The following CCDC154 variants were observed in gnomAD, a reference collection of about 807,000 sequenced individuals.
The protein encoded by CCDC154 is coiled-coil domain containing 154, also known as coiled-coil domain-containing protein 154.
A neutral mutation model predicts 87.5 loss-of-function variants in CCDC154; 91 were observed. The observed-to-expected ratio is 1.04, with a 90% confidence interval of 0.88 to 1.24. The LOEUF (loss-of-function observed/expected upper bound fraction) is 1.24. CCDC154 is among the 50% of genes most tolerant of loss of function. CCDC154 has a pLI of 0.00. For missense variants in CCDC154, 903 were observed against 879.2 expected (o/e 1.03, Z -0.34); for synonymous variants, 418 against 400.4 (o/e 1.04, Z -0.52).
Position 1,442,514 on chromosome 16 carries a change from G to A in CCDC154, c.567C>T (p.Thr189=), listed in dbSNP as rs992840916. Residue 189 remains threonine (T), a synonymous_variant, in exon 6 of 17, where the codon ACC becomes ACT. Coordinates refer to ENST00000389176, the MANE Select transcript of CCDC154 (RefSeq NM_001143980.3). ...CCTGCTCCTCCTGCTGCAGCAAGTCGGTCAGCTTGGCCAGTCTAGAGAAGT... is the reference window on the plus strand; with the variant it reads ...CCTGCTCCTCCTGCTGCAGCAAGTCAGTCAGCTTGGCCAGTCTAGAGAAGT... ...QEAGLRLAKL[T]DLLQQEEQGR... The A allele has an allele frequency of 1.6e-5, 25 of 1,546,072 alleles. No individual in the cohort carries two copies. The highest frequency in any genetic ancestry group is 4.1e-5 in the African/African-American group (3 of 72,890).
rs763953899 is a variant in CCDC154, at chr16:1,443,543, C to A, written c.377G>T (p.Arg126Leu). ...SELRQLQQEA[R>L]PAAQAPEKEA... is the part of the protein sequence containing the mutation. ...CTTTTCGGGGGCCTGGGCTGCCGGCCGCGCCTCCTGCTGCAACTGCCTCAG... is the reference window on the plus strand; with the variant it reads ...CTTTTCGGGGGCCTGGGCTGCCGGCAGCGCCTCCTGCTGCAACTGCCTCAG... The change falls in exon 3 of 17, where the codon CGG (arginine) becomes CTG (leucine). Residue 126 changes from arginine (R) to leucine (L), a missense_variant. Coordinates refer to ENST00000389176, the MANE Select transcript of CCDC154 (RefSeq NM_001143980.3). 1 of 1,474,544 alleles carries A rather than the reference C, an allele frequency of 6.8e-7. No individual in the cohort carries two copies. The highest frequency in any genetic ancestry group is 8.9e-7 in the Non-Finnish European group (1 of 1,119,290). 91.3% of individuals were successfully genotyped at this position (1,474,544 alleles called of 1,614,324 possible). A position where few individuals can be genotyped will look rare whatever the true frequency, so the allele number is the denominator to read the frequency against.
At position 1,434,691 on chromosome 16, in the gene CCDC154, G is replaced by T; in HGVS notation, c.1854C>A (p.Cys618Ter). 6.5e-7 allele frequency: 1 copy of T among 1,546,782 alleles called. No homozygotes were observed. ...ACCTCACAGCCTGGTACACGCCCCA[G>T]CAGTTCATGGGCACCACCTTGCCAG... ...MAPGKVVPMN[C>*]WGVYQAVRWL... The change falls in exon 16 of 17, where the codon TGC becomes TGA. Residue 618 changes from cysteine (C) to a stop codon, truncating the protein, a stop_gained. Coordinates refer to ENST00000389176, the MANE Select transcript of CCDC154 (RefSeq NM_001143980.3). LOFTEE classifies it low-confidence loss of function (END_TRUNC).
chr16:1,435,019 G>A, intron 15 of CCDC154, 70 bp downstream of exon 15: 1 of 1,478,256 alleles, frequency 6.8e-7, no homozygotes, highest in Non-Finnish European at 9.2e-7. Context: ...CAGCAGGGCA[G>A]GCGGGGAGGC....
rs757661954 is a variant in CCDC154, at chr16:1,438,047, C to T, written c.1152+3G>A. On this transcript the variant is annotated splice_donor_region_variant and intron_variant, in intron 10 of 16. Transcript: ENST00000389176. The stretch of plus-strand genomic sequence containing the variant: ...TTGGGGACATGTTGCGCTACCCCCT[C>T]ACCAGCACCAGCTCTCCATGCATCT... 3 of 1,547,244 alleles carry T rather than the reference C, an allele frequency of 1.9e-6. No homozygotes were observed. Among genetic ancestry groups the T allele is most frequent in the Non-Finnish European group, 2.6e-6 (3 of 1,145,238 alleles).
At position 1,443,273 on chromosome 16, in the gene CCDC154, G is replaced by C. The variant is rs759700857; in HGVS notation, c.443C>G (p.Ala148Gly). The C allele has an allele frequency of 9.0e-6, 14 of 1,549,180 alleles. No individual in the cohort carries two copies. In the African/African-American group the frequency reaches 1.5e-4, roughly 17 times the overall value. Residue 148 changes from alanine (A) to glycine (G), a missense_variant, in exon 4 of 17, where the codon GCC becomes GGC. By Grantham distance (60) the Ala-to-Gly change is moderately conservative. Transcript: ENST00000389176. The stretch of plus-strand genomic sequence containing the variant: ...GTGTGGGGGGTACCTTTTGTCCAGG[G>C]CCTGCATCTGGTTCTGGAGACCAGA... ...EFSGLQNQMQ[A>G]LDKRLVEVRE...
In CCDC154 at chr16:1,442,956, C is replaced by A; in HGVS notation, c.475G>T (p.Ala159Ser). Residue 159 changes from alanine to serine, a missense_variant, in exon 5 of 17, where the codon GCC (alanine) becomes TCC (serine). Physicochemically the swap from Ala to Ser is moderately conservative, Grantham distance 99. Transcript: ENST00000389176. ...LDKRLVEVRE[A>S]LTRLRRRQVQ... ...TGCCTCCTCCTGAGCCGGGTCAAGG[C>A]TTCCCGGACCTCCACCAGCCTGGGA... 6.5e-7 allele frequency: 1 copy of A among 1,550,070 alleles called. No individual in the cohort carries two copies. Among genetic ancestry groups the A allele is most frequent in the Non-Finnish European group, 8.7e-7 (1 of 1,146,854 alleles).
At position 1,434,557 on chromosome 16, in the gene CCDC154, G is replaced by A. The variant is rs748647810; in HGVS notation, c.1878-23C>T. The stretch of plus-strand genomic sequence containing the variant: ...CACCTGTCCAGAGATGCGGCACATG[G>A]CCCCTGCACCCCCGCCCCACCCCCC... On this transcript the variant is annotated intron_variant, in intron 16 of 16. Coordinates refer to ENST00000389176, the MANE Select transcript of CCDC154 (RefSeq NM_001143980.3). The A allele has an allele frequency of 3.3e-6, 5 of 1,533,588 alleles. No individual in the cohort carries two copies. The South Asian group carries it at 4.8e-5, about 15-fold the overall frequency. The allele number at this position is 1,533,588 out of a possible 1,614,324, so 95.0% of individuals were successfully genotyped here.
rs781453689 is a variant in CCDC154, at chr16:1,439,109, G to A, written c.693C>T (p.Leu231=). 31 of 1,549,990 alleles carry A rather than the reference G, an allele frequency of 2.0e-5. No homozygotes were observed. Among genetic ancestry groups the A allele is most frequent in the Middle Eastern group, 1.7e-4 (1 of 5,936 alleles). ...GGAAGCGCAGGCTCACCTCTTCGCC[G>A]AGCTTGGTCACCTGGGCCTGGGGCG... ...VARMQAQVTK[L]GEEVSLRFLK... Residue 231 remains leucine, a synonymous_variant, in exon 7 of 17, where the codon CTC becomes CTT. Coordinates refer to ENST00000389176, the MANE Select transcript of CCDC154 (RefSeq NM_001143980.3).
rs749443933 is a variant in CCDC154 at position 1,438,120 on chromosome 16, T to C, written c.1082A>G (p.Gln361Arg). 4.6e-5 allele frequency: 72 copies of C among 1,548,490 alleles called. No homozygotes were observed. The highest frequency in any genetic ancestry group is 5.9e-5 in the Non-Finnish European group (68 of 1,146,014). ...SRAGELAAYV[Q>R]ENLEAAQLAG... ...CAGCTGTGCGGCCTCCAGGTTCTCC[T>C]GCACATAGGCGGCCAGCTCCCCAGC... The change falls in exon 10 of 17, where the codon CAG becomes CGG. Residue 361 changes from glutamine (Q) to arginine (R), a missense_variant. Gln to Arg is a conservative substitution (Grantham distance 43). Coordinates refer to ENST00000389176, the MANE Select transcript of CCDC154 (RefSeq NM_001143980.3).
rs948190401 is a variant in CCDC154 at position 1,436,571 on chromosome 16, C to A, written c.1411-50G>T. 7.1e-6 allele frequency: 11 copies of A among 1,545,920 alleles called. No homozygotes were observed. The African/African-American group carries it at 1.2e-4, about 17-fold the overall frequency. ...GGCAGCCCCAGGGCGCCATCTAGGACCAGCCTTGGCCTCGACCCACACAGG... is the reference window on the plus strand; with the variant it reads ...GGCAGCCCCAGGGCGCCATCTAGGAACAGCCTTGGCCTCGACCCACACAGG... On this transcript the variant is annotated intron_variant, in intron 12 of 16. Transcript: ENST00000389176.
intron 14 of CCDC154, 148 bp from the exon 15 acceptor site, chr16:1,435,323 C>T: frequency 1.4e-6 from 1 of 700,756 alleles, no homozygotes; most frequent in Non-Finnish European, 2.4e-6. Context: ...CACTGCAGGG[C>T]CCAGGACAAG....
chr16:1,436,289 G>T (rs1221546229), intron 13 of CCDC154, among the ~76,000 whole-genome samples, 156 bp downstream of exon 13: 2 of 152,224 alleles, frequency 1.3e-5, no homozygotes, highest in South Asian at 2.1e-4. Flanking sequence ...GCTGCACCAG[G>T]GTGGCAGGGT....
Position 1,434,740 on chromosome 16 carries a change from C to G in CCDC154, c.1805G>C (p.Arg602Pro). 1 of 1,546,028 alleles carries G rather than the reference C, an allele frequency of 6.5e-7. No homozygotes were observed. The highest frequency in any genetic ancestry group is 1.2e-5 in the South Asian group (1 of 84,042). The change falls in exon 16 of 17, where the codon CGG becomes CCG. Residue 602 changes from arginine (R) to proline (P), a missense_variant. By Grantham distance (103) the Arg-to-Pro change is moderately radical (BLOSUM62 -2). Coordinates refer to ENST00000389176, the MANE Select transcript of CCDC154 (RefSeq NM_001143980.3). ...WKALPSLVRP[R>P]VFIKDMAPGK... ...AGGCGCCATGTCCTTGATGAAGACC[C>G]GCGGCCTCACCAGGGATGGGAGCGC...
At chr16:1,437,581 C>T in intron 11 of CCDC154, 1 of 500,766 alleles carries the variant, frequency 2.0e-6, no homozygotes, top group Middle Eastern at 5.2e-4. Context: ...GCCGAGGCTC[C>T]AGCTCGGGCC....
chr16:1,435,833 G>T, intron 14 of CCDC154, 136 bp downstream of exon 14: 1 of 740,518 alleles, frequency 1.4e-6, no homozygotes. Context: ...GCCTCCGACA[G>T]GTGGTTTTCT....
intron 15 of CCDC154, 62 bp from the exon 16 acceptor site, chr16:1,434,914 G>A (rs1279317714): frequency 9.6e-6 from 14 of 1,453,630 alleles, no homozygotes; most frequent in African/African-American, 2.8e-5. Context: ...GATGGCAAAC[G>A]GGGGCTTATC....
intron 5 of CCDC154, 37 bp downstream of exon 5, chr16:1,442,843 C>T: frequency 6.5e-7 from 1 of 1,533,248 alleles, no homozygotes; most frequent in Non-Finnish European, 8.8e-7. Context: ...TGACCCCACG[C>T]AAGCTCCGGA....
intron 6 of CCDC154, among the ~76,000 whole-genome samples, chr16:1,441,481 C>T (rs1009243735): frequency 6.6e-6 from 1 of 152,194 alleles, no homozygotes. Flanking sequence ...GCTGCCCGTT[C>T]CCTCCCCACC....
intron 5 of CCDC154, 94 bp downstream of exon 5, chr16:1,442,786 C>A: frequency 7.8e-7 from 1 of 1,283,342 alleles, no homozygotes; most frequent in Non-Finnish European, 1.1e-6. Flanking sequence ...TTACTGGGGA[C>A]ACACGGCAGG....
Sources: allele counts gnomAD v4.1 joint callset (sites outside exome capture counted in the v4.1 genomes callset), GRCh38; gene constraint gnomAD v4.1.1; transcripts MANE v1.5; gene names NCBI Gene and HGNC (gene_info 2026-07-23, HGNC 2026-07-21).